Variants in NUB1 observed in about 807,000 individuals in gnomAD.
NUB1 encodes the protein NEDD8 ultimate buster 1.
A neutral mutation model predicts 77.1 loss-of-function variants in NUB1; 41 were observed. The ratio of observed to expected loss-of-function variants is 0.53; its 90% CI spans 0.41 to 0.69. The LOEUF is 0.69. Among genes scored for constraint, NUB1 ranks in the 30% least tolerant of loss-of-function variants. The probability of loss-of-function intolerance (pLI) is 0.00; values close to 1 mark genes in which losing one functional copy is unlikely to be tolerated. For synonymous variants in NUB1, 257 were observed against 281.0 expected, an observed-to-expected ratio of 0.91 and a Z score of 0.85; for missense variants, 643 against 743.8, an observed-to-expected ratio of 0.86 and a Z score of 1.58.
chr7:151,352,163 G>T (rs962858694), intron 4 of NUB1: 24 of 456,652 alleles, frequency 5.3e-5, no homozygotes, highest in African/African-American at 4.8e-4. Flanking sequence ...ATCAGCCCCC[G>T]CTATGGGCTT....
At chr7:151,342,186 A>T (rs1211516582) in intron 1 of NUB1, among the ~76,000 whole-genome samples, 3 of 152,074 alleles carry the variant, frequency 2.0e-5, no homozygotes, top group Non-Finnish European at 4.4e-5. Context: ...GAATCGTAAC[A>T]CTCCGAGTAT....
rs1797347598 is a variant in NUB1 at position 151,360,923 on chromosome 7, C to T, written c.800+676C>T. ...AAGTGCTGGTATTACAGGTGTGAGT[C>T]GCTGTGTCGGCTTTTTTTTTTTTTT... On this transcript the variant is annotated intron_variant, in intron 8 of 14. Transcript: ENST00000568733. 3.4e-5 allele frequency: 2 copies of T among 58,728 alleles called. 1 individual carries two copies. Among genetic ancestry groups the T allele is most frequent in the Admixed American group, 4.2e-4 (2 of 4,780 alleles). 3.6% of individuals were successfully genotyped at this position (58,728 alleles called of 1,614,324 possible). A position where few individuals can be genotyped will look rare whatever the true frequency, so the allele number is the denominator to read the frequency against.
intron 3 of NUB1, among the ~76,000 whole-genome samples, chr7:151,350,194 C>G (rs916548774): frequency 1.3e-5 from 2 of 152,264 alleles, no homozygotes; most frequent in African/African-American, 4.8e-5. Flanking sequence ...CAGAGCGGAA[C>G]ATGAAAGTGA....
rs140795186 is a variant in NUB1, at chr7:151,355,633, A to C, written c.416-135A>C. The C allele has an allele frequency of 3.3e-3, 2,749 of 842,786 alleles. 52 individuals carry two copies. The African/African-American group carries it at 0.043, about 13-fold the overall frequency. The allele number at this position is 842,786 out of a possible 1,614,324, so 52.2% of individuals were successfully genotyped here. ...GGCTGTGGGGAGCCATGATCGTGTC[A>C]CTGCACTCCAGCCTGGGTGACAGAG... On this transcript the variant is annotated intron_variant, in intron 5 of 14. Coordinates refer to ENST00000568733, the MANE Select transcript of NUB1 (RefSeq NM_001243351.2).
rs1337416844 is a variant in NUB1, at chr7:151,374,825, C to G, written c.1395+582C>G. Among the ~76,000 whole-genome samples, 7 of 152,178 alleles carry G rather than the reference C, an allele frequency of 4.6e-5. No homozygotes were observed. In the East Asian group the frequency reaches 1.2e-3, roughly 25 times the overall value. ...GCGTCTCAGCAGCTTGGCATGGAAC[C>G]ACCCTCTGCCCTCTCGGCCCCGCAG... is the stretch of plus-strand genomic sequence containing the variant. On this transcript the variant is annotated intron_variant, in intron 12 of 14. Transcript: ENST00000568733.
In NUB1 at chr7:151,366,979, G is replaced by A; in HGVS notation, c.841G>A (p.Ala281Thr). The change falls in exon 9 of 15, where the codon GCC becomes ACC. Residue 281 changes from alanine to threonine, a missense_variant. Coordinates refer to ENST00000568733, the MANE Select transcript of NUB1 (RefSeq NM_001243351.2). Reference sequence around the variant, plus strand: ...GCTGCTGGACACAGTGGATAACTACGCCGTCCTCCAGCTGGATATAGTGTG... The same window carrying A: ...GCTGCTGGACACAGTGGATAACTACACCGTCCTCCAGCTGGATATAGTGTG... Reference protein sequence around the residue: ...RELLDTVDNYAVLQLDIVWCY... With the variant: ...RELLDTVDNYTVLQLDIVWCY... The A allele has an allele frequency of 6.2e-7, 1 of 1,613,256 alleles. No individual in the cohort carries two copies. Among genetic ancestry groups the A allele is most frequent in the South Asian group, 1.1e-5 (1 of 90,932 alleles).
At chr7:151,352,681 CATCCTCCCACCTT>C in intron 4 of NUB1, 118 bp from the exon 5 acceptor site, 1 of 633,424 alleles carries the variant, frequency 1.6e-6, no homozygotes, top group South Asian at 1.8e-5. Context: ...GGGCTCAAGC[CATCCTCCCACCTT>C]GGCCTCCCAG....
rs373605778 is a variant in NUB1, at chr7:151,368,860, G to A, written c.1221G>A (p.Ala407=). The A allele has an allele frequency of 3.1e-6, 5 of 1,613,650 alleles. No homozygotes were observed. The highest frequency in any genetic ancestry group is 2.2e-5 in the East Asian group (1 of 44,868). The change falls in exon 11 of 15, where the codon GCG becomes GCA. Residue 407 remains alanine (A), a synonymous_variant. Transcript: ENST00000568733. ...LRACDGNVDH[A]ATHITNRREE... is the part of the protein sequence containing the mutation. ...CGTGTGATGGGAACGTGGATCATGC[G>A]GCCACTCATATTACCAACCGCAGAG...
At position 151,374,127 on chromosome 7, in the gene NUB1, G is replaced by A. The variant is rs1364924878; in HGVS notation, c.1279G>A (p.Glu427Lys). ...ELAQIRKEEK[E>K]KKRRRLENIR... Reference sequence around the variant, plus strand: ...GGCCCAAATAAGGAAGGAGGAAAAAGAGAAGAAAAGACGCCGCCTCGAGAA... The same window carrying A: ...GGCCCAAATAAGGAAGGAGGAAAAAAAGAAGAAAAGACGCCGCCTCGAGAA... The change falls in exon 12 of 15, where the codon GAG (glutamate) becomes AAG (lysine). Residue 427 changes from glutamate to lysine, a missense_variant. Physicochemically the swap from Glu to Lys is moderately conservative, Grantham distance 56. Coordinates refer to ENST00000568733, the MANE Select transcript of NUB1 (RefSeq NM_001243351.2). 6.4e-7 allele frequency: 1 copy of A among 1,567,830 alleles called. No homozygotes were observed. Among genetic ancestry groups the A allele is most frequent in the African/African-American group, 1.4e-5 (1 of 73,528 alleles).
At chr7:151,351,375 CA>C (rs757409116) in intron 3 of NUB1, 48 bp from the exon 4 acceptor site, 1 of 1,403,282 alleles carries the variant, frequency 7.1e-7, no homozygotes, top group Non-Finnish European at 1.0e-6. Flanking sequence ...GTAATCTCTC[CA>C]AAATGGGTTA....
chr7:151,363,284 T>C (rs887883566), intron 8 of NUB1, among the ~76,000 whole-genome samples: 1 of 152,086 alleles, frequency 6.6e-6, no homozygotes, highest in African/African-American at 2.4e-5. Flanking sequence ...GATAAAGACA[T>C]GGGAGACATT....
At position 151,368,849 on chromosome 7, in the gene NUB1, G is replaced by T. The variant is rs764274039; in HGVS notation, c.1210G>T (p.Val404Leu). 6.2e-7 allele frequency: 1 copy of T among 1,613,814 alleles called. No homozygotes were observed. ...RLGLRACDGN[V>L]DHAATHITNR... ...TGGCCTGAGGGCGTGTGATGGGAAC[G>T]TGGATCATGCGGCCACTCATATTAC... The change falls in exon 11 of 15, where the codon GTG (valine) becomes TTG (leucine). Residue 404 changes from valine (V) to leucine (L), a missense_variant. Val to Leu is a conservative substitution (Grantham distance 32). Coordinates refer to ENST00000568733, the MANE Select transcript of NUB1 (RefSeq NM_001243351.2).
chr7:151,352,936 G>T, intron 5 of NUB1, 54 bp downstream of exon 5: 2 of 950,446 alleles, frequency 2.1e-6, no homozygotes, highest in South Asian at 1.6e-5. Context: ...TAGAAATAAT[G>T]ACTTCCCTTT....
In NUB1 at chr7:151,352,811, G is replaced by T. The variant is rs770271564; in HGVS notation, c.345-1G>T. ...CAATTTTCACTGGTTTTATTTTACA[G>T]AATAGCTGAAACCTTTGGACTTCAA... is the stretch of plus-strand genomic sequence containing the variant. On this transcript the variant is annotated splice_acceptor_variant, in intron 4 of 14. Coordinates refer to ENST00000568733, the MANE Select transcript of NUB1 (RefSeq NM_001243351.2). LOFTEE classifies it high-confidence loss of function. 21 of 1,520,410 alleles carry T rather than the reference G, an allele frequency of 1.4e-5. No homozygotes were observed. The highest frequency in any genetic ancestry group is 2.8e-5 in the African/African-American group (2 of 72,584). 94.2% of individuals were successfully genotyped at this position (1,520,410 alleles called of 1,614,324 possible). A position where few individuals can be genotyped will look rare whatever the true frequency, so the allele number is the denominator to read the frequency against.
chr7:151,364,063 G>A (rs950415069), intron 8 of NUB1, among the ~76,000 whole-genome samples: 3 of 151,048 alleles, frequency 2.0e-5, no homozygotes, highest in African/African-American at 7.3e-5. Context: ...CAAAGTGCTG[G>A]GATTACAGGT....
At chr7:151,347,448 C>T (rs1308271273) in intron 2 of NUB1, among the ~76,000 whole-genome samples, 1 of 151,914 alleles carries the variant, frequency 6.6e-6, no homozygotes, top group Admixed American at 6.6e-5. Flanking sequence ...GTTTATGTTA[C>T]TTACAAAATT....
chr7:151,367,554 G>A (rs965844175), intron 9 of NUB1, among the ~76,000 whole-genome samples: 6 of 152,196 alleles, frequency 3.9e-5, no homozygotes, highest in Non-Finnish European at 8.8e-5. Context: ...TCCTGCTGAT[G>A]CAGACTCTCT....
chr7:151,348,479 T>C (rs411296), intron 2 of NUB1, among the ~76,000 whole-genome samples: 130,120 of 151,212 alleles, frequency 0.86, 56,158 homozygotes, highest in East Asian at 0.99. Flanking sequence ...CCTTTTCTTC[T>C]CCTTAGAAGA....
intron 1 of NUB1, 28 bp from the exon 2 acceptor site, chr7:151,345,319 GT>G: frequency 7.1e-7 from 1 of 1,407,946 alleles, no homozygotes; most frequent in Non-Finnish European, 1.0e-6. Flanking sequence ...GCGATGTGGA[GT>G]TTTATTAATG....
Sources: allele counts gnomAD v4.1 joint callset (sites outside exome capture counted in the v4.1 genomes callset), GRCh38; gene constraint gnomAD v4.1.1; transcripts MANE v1.5; gene names NCBI Gene and HGNC (gene_info 2026-07-23, HGNC 2026-07-21).